WDR70: variants seen among roughly 807,000 people sequenced by gnomAD.
WDR70 encodes WD repeat domain 70.
A neutral mutation model predicts 88.6 loss-of-function variants in WDR70; 53 were observed. That is an observed-to-expected ratio of 0.60 (90% CI 0.48 to 0.75). WDR70 has a LOEUF of 0.75. Among genes scored for constraint, WDR70 ranks in the 30% least tolerant of loss-of-function variants. WDR70 has a pLI of 0.00. For missense variants in WDR70, 610 were observed against 823.2 expected, an observed-to-expected ratio of 0.74 and a Z score of 3.17; for synonymous variants, 280 against 270.0, an observed-to-expected ratio of 1.04 and a Z score of -0.36.
chr5:37,551,298 T>G (rs1197934769), intron 9 of WDR70, among the ~76,000 whole-genome samples: 1 of 148,186 alleles, frequency 6.7e-6, no homozygotes, highest in African/African-American at 2.5e-5. Flanking sequence ...GGAGTAAAAC[T>G]TTGTTCCCCC....
In WDR70 at chr5:37,704,063, G is replaced by T. The variant is rs1249193536; in HGVS notation, c.1416+976G>T. Among the ~76,000 whole-genome samples, 39 of 152,244 alleles carry T rather than the reference G, an allele frequency of 2.6e-4. 1 individual carries two copies. Among genetic ancestry groups the T allele is most frequent in the Non-Finnish European group, 4.4e-5 (3 of 68,004 alleles). On this transcript the variant is annotated intron_variant, in intron 13 of 17. Coordinates refer to ENST00000265107, the MANE Select transcript of WDR70 (RefSeq NM_018034.4). ...TATTACTATGAAGTCTTAATTTGCG[G>T]GTTCTGAATGTAAAACCACGGTATA...
chr5:37,490,568 G>A (rs1740036508), intron 8 of WDR70, among the ~76,000 whole-genome samples: 1 of 152,112 alleles, frequency 6.6e-6, no homozygotes. Flanking sequence ...GGGTAGCAGG[G>A]TTGCTGTCTG....
chr5:37,631,548 A>G (rs979726565), intron 10 of WDR70, among the ~76,000 whole-genome samples: 1 of 152,208 alleles, frequency 6.6e-6, no homozygotes, highest in East Asian at 1.9e-4. Flanking sequence ...TTATAGTTAT[A>G]TGAGGTTAGT....
In WDR70 at chr5:37,413,533, G is replaced by A. The variant is rs532183245; in HGVS notation, c.492+16963G>A. Among the ~76,000 whole-genome samples the A allele has an allele frequency of 3.1e-3, 477 of 151,732 alleles. 4 individuals carry two copies. The highest frequency in any genetic ancestry group is 3.4e-3 in the Middle Eastern group (1 of 294). ...GTCAGGAAATGGAGACCATCCTGGCGAATATGGTGAATCCCTGTCTCTACT... is the reference window on the plus strand; with the variant it reads ...GTCAGGAAATGGAGACCATCCTGGCAAATATGGTGAATCCCTGTCTCTACT... On this transcript the variant is annotated intron_variant, in intron 5 of 17. Transcript: ENST00000265107.
At chr5:37,474,352 C>T (rs557724289) in intron 7 of WDR70, among the ~76,000 whole-genome samples, 165 of 152,230 alleles carry the variant, frequency 1.1e-3, no homozygotes, top group Middle Eastern at 6.8e-3. Context: ...TCTTCTCTAT[C>T]CTTATTGCTC....
At chr5:37,739,599 T>C (rs2112728168) in intron 17 of WDR70, among the ~76,000 whole-genome samples, 1 of 152,340 alleles carries the variant, frequency 6.6e-6, no homozygotes, top group South Asian at 2.1e-4. Flanking sequence ...CTATTTGATT[T>C]GTTGGGTTCT....
chr5:37,594,240 T>A (rs1743628514), intron 9 of WDR70, among the ~76,000 whole-genome samples: 2 of 152,278 alleles, frequency 1.3e-5, no homozygotes, highest in South Asian at 4.2e-4. Context: ...CTGAATGGTA[T>A]TGCCTAGGTT....
chr5:37,598,122 C>T (rs1304626784), intron 9 of WDR70, among the ~76,000 whole-genome samples: 1 of 152,094 alleles, frequency 6.6e-6, no homozygotes, highest in Non-Finnish European at 1.5e-5. Flanking sequence ...ACTTACTTAG[C>T]TCTTATGTCT....
intron 13 of WDR70, among the ~76,000 whole-genome samples, chr5:37,708,878 C>T (rs1320420368): frequency 1.3e-5 from 2 of 152,110 alleles, no homozygotes; most frequent in East Asian, 3.8e-4. Context: ...TGATACTATG[C>T]CTGTGAAAGT....
chr5:37,635,222 C>G (rs1457758699), intron 10 of WDR70, among the ~76,000 whole-genome samples: 1 of 152,188 alleles, frequency 6.6e-6, no homozygotes, highest in Non-Finnish European at 1.5e-5. Flanking sequence ...CATATCCTTA[C>G]TGAAATGGCA....
At chr5:37,453,794 T>A (rs1738748480) in intron 7 of WDR70, among the ~76,000 whole-genome samples, 1 of 152,228 alleles carries the variant, frequency 6.6e-6, no homozygotes, top group Non-Finnish European at 1.5e-5. Flanking sequence ...TTTAAAATTT[T>A]ATCTTATTAA....
chr5:37,606,063 C>CA (rs1369330785), intron 10 of WDR70, among the ~76,000 whole-genome samples: 1 of 152,108 alleles, frequency 6.6e-6, no homozygotes, highest in Non-Finnish European at 1.5e-5. Flanking sequence ...TAATACTTAT[C>CA]AAAAATTCCT....
intron 9 of WDR70, among the ~76,000 whole-genome samples, chr5:37,538,463 A>G (rs1254741080): frequency 6.6e-6 from 1 of 152,238 alleles, no homozygotes; most frequent in Non-Finnish European, 1.5e-5. Context: ...TCATGTAAAC[A>G]GCACATAAGA....
chr5:37,550,979 C>T (rs1468909354), intron 9 of WDR70, among the ~76,000 whole-genome samples: 3 of 152,020 alleles, frequency 2.0e-5, no homozygotes, highest in African/African-American at 7.2e-5. Context: ...ACGTTATTTG[C>T]ATAAACAAAT....
chr5:37,487,618 TATATATG>T (rs1164069299), intron 8 of WDR70, among the ~76,000 whole-genome samples: 16 of 45,812 alleles, frequency 3.5e-4, no homozygotes, highest in African/African-American at 4.6e-4. Flanking sequence ...TATATATATA[TATATATG>T]TATTTTTTTT....
At chr5:37,724,871 A>T (rs1450520879) in intron 15 of WDR70, 63 bp from the exon 16 acceptor site, 3 of 1,381,354 alleles carry the variant, frequency 2.2e-6, no homozygotes, top group African/African-American at 1.4e-5. Flanking sequence ...TCATGCTTTA[A>T]CTATGTTTTT....
intron 8 of WDR70, chr5:37,505,923 C>A: frequency 7.1e-7 from 1 of 1,402,450 alleles, no homozygotes; most frequent in Non-Finnish European, 1.0e-6. Flanking sequence ...CATATCCACA[C>A]CTTTCAGATT....
At chr5:37,394,991 T>A (rs1748963953) in intron 4 of WDR70, among the ~76,000 whole-genome samples, 1 of 152,168 alleles carries the variant, frequency 6.6e-6, no homozygotes, top group Non-Finnish European at 1.5e-5. Flanking sequence ...AGATATTGAG[T>A]GCCTGTTATA....
chr5:37,743,851 G>C (rs1003455310), intron 17 of WDR70, among the ~76,000 whole-genome samples: 2 of 152,182 alleles, frequency 1.3e-5, no homozygotes, highest in Non-Finnish European at 2.9e-5. Context: ...TGGTAGTTCT[G>C]AGGAATCCGG....
Sources: allele counts gnomAD v4.1 joint callset (sites outside exome capture counted in the v4.1 genomes callset), GRCh38; gene constraint gnomAD v4.1.1; transcripts MANE v1.5; gene names NCBI Gene and HGNC (gene_info 2026-07-23, HGNC 2026-07-21).